HMBOX1: variants seen among roughly 807,000 people sequenced by gnomAD.
HMBOX1 encodes homeobox-containing protein 1.
In HMBOX1, 14 loss-of-function variants were observed where a neutral mutation model predicts 54.5. The observed-to-expected ratio is 0.26, with a 90% CI of 0.17 to 0.40. The LOEUF (loss-of-function observed/expected upper bound fraction) is 0.40. Among genes scored for constraint, HMBOX1 ranks in the 10% least tolerant of loss-of-function variants. The pLI is 1.00. For missense variants in HMBOX1, 332 were observed against 514.4 expected, an observed-to-expected ratio of 0.65 and a Z score of 3.43; for synonymous variants, 160 against 181.0, an observed-to-expected ratio of 0.88 and a Z score of 0.93.
chr8:28,897,989 TAAAGGATA>T (rs1298199663), intron 1 of HMBOX1, among the ~76,000 whole-genome samples: 3 of 152,202 alleles, frequency 2.0e-5, no homozygotes, highest in Non-Finnish European at 4.4e-5. Context: ...AGGTACAAGT[TAAAGGATA>T]GTTACAGGGT....
chr8:28,964,369 G>A (rs959645128), intron 2 of HMBOX1, among the ~76,000 whole-genome samples: 3 of 152,158 alleles, frequency 2.0e-5, no homozygotes, highest in African/African-American at 7.2e-5. Flanking sequence ...CCTATTAGCT[G>A]ATGTGCTAGC....
chr8:28,981,593 A>C (rs1829348590), intron 4 of HMBOX1, among the ~76,000 whole-genome samples: 1 of 152,064 alleles, frequency 6.6e-6, no homozygotes, highest in Non-Finnish European at 1.5e-5. Context: ...ACAAAATTTT[A>C]GTGTTACAGA....
At chr8:28,996,197 A>G (rs1354038183) in intron 4 of HMBOX1, among the ~76,000 whole-genome samples, 1 of 152,128 alleles carries the variant, frequency 6.6e-6, no homozygotes, top group Non-Finnish European at 1.5e-5. Flanking sequence ...ATAGGTTTAT[A>G]TAATATATTG....
intron 9 of HMBOX1, among the ~76,000 whole-genome samples, chr8:29,049,760 T>A (rs1586702083): frequency 6.6e-6 from 1 of 152,372 alleles, no homozygotes; most frequent in South Asian, 2.1e-4. Context: ...AAAATTTTGA[T>A]AGGATTTAAA....
intron 4 of HMBOX1, among the ~76,000 whole-genome samples, chr8:29,007,203 C>T (rs889985171): frequency 2.0e-5 from 3 of 151,622 alleles, no homozygotes; most frequent in Non-Finnish European, 1.5e-5. Flanking sequence ...GCGGGGGAAT[C>T]GCTTGAACCC....
intron 3 of HMBOX1, among the ~76,000 whole-genome samples, chr8:28,974,778 A>T (rs536871670): frequency 6.6e-6 from 1 of 152,298 alleles, no homozygotes; most frequent in African/African-American, 2.4e-5. Flanking sequence ...ACATGAAAGA[A>T]ATTTGTACAT....
chr8:29,053,265 A>G (rs554347419), downstream of HMBOX1: 10 of 152,070 alleles, frequency 6.6e-5, no homozygotes, highest in East Asian at 1.9e-3. Flanking sequence ...GCTTCCAAGC[A>G]TTGAAGTGAA....
intron 1 of HMBOX1, among the ~76,000 whole-genome samples, chr8:28,917,243 A>AT (rs1054522631): frequency 3.3e-5 from 5 of 151,870 alleles, no homozygotes; most frequent in East Asian, 1.9e-4. Context: ...ATCATCTTTG[A>AT]TTTTTTCTGT....
At chr8:28,948,116 A>G (rs1184883295) in intron 1 of HMBOX1, among the ~76,000 whole-genome samples, 2 of 152,160 alleles carry the variant, frequency 1.3e-5, no homozygotes, top group Non-Finnish European at 2.9e-5. Context: ...ATCTTTATTA[A>G]GATTTTATTT....
intron 6 of HMBOX1, among the ~76,000 whole-genome samples, chr8:29,039,640 T>A (rs1423787827): frequency 6.6e-6 from 1 of 152,196 alleles, no homozygotes; most frequent in Admixed American, 6.5e-5. Context: ...TTTTTTGGGC[T>A]TAAATACCTC....
chr8:29,024,673 T>C (rs1313182849), intron 6 of HMBOX1, among the ~76,000 whole-genome samples: 1 of 152,230 alleles, frequency 6.6e-6, no homozygotes, highest in African/African-American at 2.4e-5. Flanking sequence ...ACTGATTTTA[T>C]TGATAATTAT....
chr8:29,013,643 A>G (rs1834529815), intron 5 of HMBOX1, among the ~76,000 whole-genome samples: 1 of 152,270 alleles, frequency 6.6e-6, no homozygotes, highest in Non-Finnish European at 1.5e-5. Context: ...CTGCCAAGGC[A>G]TATTAATAAA....
chr8:28,924,505 C>T (rs1212728098), intron 1 of HMBOX1: 1 of 145,594 alleles, frequency 6.9e-6, no homozygotes, highest in Non-Finnish European at 1.5e-5. Flanking sequence ...CCCAAGAAAT[C>T]CTTGCTAAAT....
At chr8:29,044,164 A>G (rs1244296817) in intron 6 of HMBOX1, among the ~76,000 whole-genome samples, 1 of 152,166 alleles carries the variant, frequency 6.6e-6, no homozygotes, top group African/African-American at 2.4e-5. Context: ...GGTGATCCTC[A>G]GGAAGGGCTG....
chr8:29,012,656 A>C (rs1398330849), intron 5 of HMBOX1, among the ~76,000 whole-genome samples: 2 of 152,218 alleles, frequency 1.3e-5, no homozygotes, highest in Non-Finnish European at 2.9e-5. Context: ...GTACAGGGGT[A>C]AGGAGTTAAC....
At chr8:28,976,988 C>T (rs1018533254) in intron 3 of HMBOX1, among the ~76,000 whole-genome samples, 6 of 152,274 alleles carry the variant, frequency 3.9e-5, no homozygotes, top group Middle Eastern at 3.4e-3. Context: ...GGATTACAGG[C>T]GTGACCCACC....
intron 3 of HMBOX1, among the ~76,000 whole-genome samples, chr8:28,979,821 TG>T (rs747902513): frequency 6.6e-5 from 10 of 152,224 alleles, no homozygotes; most frequent in Non-Finnish European, 1.3e-4. Flanking sequence ...AACCATCCTC[TG>T]GTATGAGACA....
intron 5 of HMBOX1, among the ~76,000 whole-genome samples, chr8:29,014,943 G>A (rs146350074): frequency 0.015 from 2,283 of 152,260 alleles, 39 homozygotes; most frequent in African/African-American, 0.038. Context: ...GCCTCCTAAA[G>A]TGCTGGGATT....
intron 4 of HMBOX1, 88 bp downstream of exon 4, chr8:28,980,244 T>C: frequency 3.1e-6 from 3 of 963,340 alleles, no homozygotes; most frequent in Non-Finnish European, 5.1e-6. Context: ...CATTTCTGCA[T>C]TGCAGTGCAG....
Sources: allele counts gnomAD v4.1 joint callset (sites outside exome capture counted in the v4.1 genomes callset), GRCh38; gene constraint gnomAD v4.1.1; transcripts MANE v1.5; gene names NCBI Gene and HGNC (gene_info 2026-07-23, HGNC 2026-07-21).